The following PDE1C variants were observed in gnomAD, a reference collection of about 807,000 sequenced individuals.
The protein encoded by PDE1C is phosphodiesterase 1C.
Under a neutral mutation model 93.1 loss-of-function variants are expected in PDE1C, and 62 were observed. The observed-to-expected ratio is 0.67, with a 90% confidence interval of 0.54 to 0.82. PDE1C has a LOEUF of 0.82. Ranked by LOEUF, PDE1C falls within the 40% of genes least tolerant of loss-of-function variation. The pLI is 0.00. For missense variants in PDE1C, 742 were observed against 884.6 expected, an observed-to-expected ratio of 0.84 and a Z score of 2.04; for synonymous variants, 325 against 310.1, an observed-to-expected ratio of 1.05 and a Z score of -0.50.
At chr7:32,138,611 T>C (rs1800338345) in intron 3 of PDE1C, among the ~76,000 whole-genome samples, 1 of 152,138 alleles carries the variant, frequency 6.6e-6, no homozygotes, top group South Asian at 2.1e-4. Context: ...TCAGGGACCA[T>C]CACTCCCTGA....
intron 1 of PDE1C, among the ~76,000 whole-genome samples, chr7:32,275,365 G>A (rs944574242): frequency 6.6e-6 from 1 of 152,056 alleles, no homozygotes; most frequent in African/African-American, 2.4e-5. Context: ...ACTGACATCA[G>A]TGGCCCTGAT....
the PDE1C span, chr7:31,652,661 T>C: frequency 1.2e-6 from 2 of 1,613,924 alleles, no homozygotes. Flanking sequence ...CTCCCGATGA[T>C]GGCCAGGAGG....
chr7:31,901,446 T>C (rs934437843), intron 2 of PDE1C, among the ~76,000 whole-genome samples: 7 of 151,352 alleles, frequency 4.6e-5, no homozygotes, highest in African/African-American at 9.7e-5. Context: ...TAATTCCATG[T>C]GAAGAAAACT....
chr7:31,943,839 G>A (rs537531392), intron 2 of PDE1C, among the ~76,000 whole-genome samples: 3 of 152,176 alleles, frequency 2.0e-5, no homozygotes, highest in Middle Eastern at 3.4e-3. Context: ...TGAAAAAACG[G>A]CCAGTTCAGA....
intron 3 of PDE1C, among the ~76,000 whole-genome samples, chr7:32,147,867 T>C (rs1020896820): frequency 2.6e-5 from 4 of 151,618 alleles, no homozygotes; most frequent in South Asian, 2.1e-4. Context: ...GCTGATGCCA[T>C]TGGGAGTTGG....
the PDE1C span, among the ~76,000 whole-genome samples, chr7:31,739,644 G>A: frequency 6.6e-6 from 1 of 152,166 alleles, no homozygotes; most frequent in African/African-American, 2.4e-5. Context: ...GTTCAATAAT[G>A]GAGGTGTGCT....
chr7:32,011,620 T>A (rs1047511150), intron 2 of PDE1C, among the ~76,000 whole-genome samples: 1 of 152,192 alleles, frequency 6.6e-6, no homozygotes, highest in Non-Finnish European at 1.5e-5. Flanking sequence ...AATTATTAAG[T>A]CACAATGAGA....
At chr7:31,993,515 G>C (rs1784385336) in intron 2 of PDE1C, among the ~76,000 whole-genome samples, 1 of 152,152 alleles carries the variant, frequency 6.6e-6, no homozygotes, top group Non-Finnish European at 1.5e-5. Flanking sequence ...AAAGCAAGCG[G>C]ATGGATGAAT....
chr7:31,636,412 G>A, the PDE1C span, among the ~76,000 whole-genome samples: 114,439 of 152,110 alleles, frequency 0.75, 43,214 homozygotes, highest in East Asian at 0.83. Context: ...AATAGTAACT[G>A]CTTCGAGATT....
chr7:31,959,803 G>T (rs1253466791), intron 2 of PDE1C, among the ~76,000 whole-genome samples: 4 of 152,092 alleles, frequency 2.6e-5, no homozygotes, highest in Non-Finnish European at 5.9e-5. Flanking sequence ...AAGGAATGAT[G>T]TAAAAGTTCC....
chr7:31,869,906 C>A (rs1172570989), intron 6 of PDE1C, among the ~76,000 whole-genome samples: 1 of 152,100 alleles, frequency 6.6e-6, no homozygotes, highest in South Asian at 2.1e-4. Flanking sequence ...AAAATAATAT[C>A]AAGTGTCTTC....
chr7:32,289,352 G>T (rs937070190), intron 1 of PDE1C, among the ~76,000 whole-genome samples: 1 of 152,220 alleles, frequency 6.6e-6, no homozygotes. Flanking sequence ...CAAGGCTGTG[G>T]TGAACCGTGA....
intron 2 of PDE1C, among the ~76,000 whole-genome samples, chr7:31,886,603 G>A (rs1213124046): frequency 6.6e-6 from 1 of 152,124 alleles, no homozygotes; most frequent in Non-Finnish European, 1.5e-5. Context: ...TGTGATGGGG[G>A]CTAAGAAAGC....
chr7:32,101,755 A>T (rs757442073), intron 3 of PDE1C, among the ~76,000 whole-genome samples: 1 of 152,212 alleles, frequency 6.6e-6, no homozygotes, highest in Non-Finnish European at 1.5e-5. Flanking sequence ...GTATTCCTTT[A>T]TAGTGACACA....
intron 2 of PDE1C, among the ~76,000 whole-genome samples, chr7:31,923,852 G>A (rs1583991152): frequency 1.3e-5 from 2 of 152,208 alleles, no homozygotes; most frequent in Admixed American, 1.3e-4. Context: ...TAAAAGAAGT[G>A]GGATTTGCTC....
chr7:31,776,300 G>C (rs978849589), intron 16 of PDE1C, among the ~76,000 whole-genome samples: 2 of 152,164 alleles, frequency 1.3e-5, no homozygotes, highest in Non-Finnish European at 2.9e-5. Flanking sequence ...CAATTGCGTC[G>C]AAGTGTTCCA....
chr7:32,228,655 T>C (rs1807468264), intron 1 of PDE1C, among the ~76,000 whole-genome samples: 2 of 152,124 alleles, frequency 1.3e-5, no homozygotes, highest in Non-Finnish European at 2.9e-5. Context: ...CACTTCCAAC[T>C]TCCAAAGACT....
chr7:32,017,319 C>T (rs192001121), intron 2 of PDE1C, among the ~76,000 whole-genome samples: 42 of 152,222 alleles, frequency 2.8e-4, no homozygotes, highest in South Asian at 4.1e-4. Context: ...AGCTGGATCA[C>T]AACTTTACAT....
intron 1 of PDE1C, among the ~76,000 whole-genome samples, chr7:32,324,907 C>A (rs1340853018): frequency 1.3e-5 from 2 of 152,156 alleles, no homozygotes; most frequent in Non-Finnish European, 2.9e-5. Context: ...TGTGATCCTA[C>A]CACTGTACTC....
Sources: gnomAD v4.1 joint callset for allele counts (sites outside exome capture counted in the v4.1 genomes callset) on GRCh38, gnomAD v4.1.1 for gene constraint, MANE v1.5 for transcripts, NCBI Gene and HGNC (gene_info 2026-07-23, HGNC 2026-07-21) for gene names.